Variants in NBPF12 observed in about 807,000 individuals in gnomAD.
NBPF12 encodes NBPF member 12, also known as NBPF family member NBPF12.
NBPF12 carries 115 observed loss-of-function variants against 146.4 expected under a neutral mutation model. The ratio of observed to expected loss-of-function variants is 0.79; its 90% CI spans 0.68 to 0.92. The LOEUF (loss-of-function observed/expected upper bound fraction) is 0.92. Among genes scored for constraint, NBPF12 ranks in the 40% least tolerant of loss-of-function variants. NBPF12 has a pLI of 0.00. For missense variants in NBPF12, 1,205 were observed against 1,326.8 expected, an observed-to-expected ratio of 0.91 and a Z score of 1.43; for synonymous variants, 385 against 508.9, an observed-to-expected ratio of 0.76 and a Z score of 3.28.
chr1:146,984,699 G>A (rs1657634818), intron 21 of NBPF12, 114 bp from the exon 25 acceptor site: 9 of 757,136 alleles, frequency 1.2e-5, no homozygotes, highest in South Asian at 5.6e-5. Flanking sequence ...CCTCATTAAT[G>A]GATCTGTCCT....
At position 146,994,707 on chromosome 1, in the gene NBPF12, A is replaced by C. The variant is rs1312168786; in HGVS notation, c.*132A>C. 4.1e-5 allele frequency: 59 copies of C among 1,451,028 alleles called. 1 individual carries two copies. In the South Asian group the frequency reaches 6.9e-4, roughly 17 times the overall value. 89.9% of individuals were successfully genotyped at this position (1,451,028 alleles called of 1,614,324 possible). A position where few individuals can be genotyped will look rare whatever the true frequency, so the allele number is the denominator to read the frequency against. ...GGTCAGTGGGCATGGCTCTATTCCT[A>C]TTCTCAGAGCATGCCAGTGGCAACC... On this transcript the variant is annotated 3_prime_UTR_variant, in exon 34 of 34. Coordinates refer to ENST00000617844, the Ensembl canonical transcript of NBPF12.
In NBPF12 at chr1:146,972,985, T is replaced by C. The variant is rs1553886833; in HGVS notation, c.1801+25T>C. On this transcript the variant is annotated intron_variant, in intron 14 of 33. Transcript: ENST00000617844. The stretch of plus-strand genomic sequence containing the variant: ...AGTAAGATCTATATGCTCACCATCA[T>C]GAAAGTGATGAACGAAGTCCTGTCT... The C allele has an allele frequency of 1.4e-3, 1,302 of 904,810 alleles. 37 individuals carry two copies. Among genetic ancestry groups the C allele is most frequent in the African/African-American group, 0.014 (858 of 60,378 alleles). The allele number at this position is 904,810 out of a possible 1,614,324, so 56.0% of individuals were successfully genotyped here.
At position 146,968,619 on chromosome 1, in the gene NBPF12, G is replaced by C. The variant is rs1402966235; in HGVS notation, c.1091+69G>C. On this transcript the variant is annotated intron_variant, in intron 10 of 33. Transcript: ENST00000617844. ...ATCTCTGAAGTACAACAGCTCGGTGGGGAGACTTAAGAGCTAAGCTGGGCC... is the reference window on the plus strand; with the variant it reads ...ATCTCTGAAGTACAACAGCTCGGTGCGGAGACTTAAGAGCTAAGCTGGGCC... 2.4e-4 allele frequency: 356 copies of C among 1,462,352 alleles called. 17 individuals are homozygous for C. The African/African-American group carries it at 4.1e-3, about 17-fold the overall frequency. The allele number at this position is 1,462,352 out of a possible 1,614,324, so 90.6% of individuals were successfully genotyped here.
chr1:146,986,054 G>C (rs1322643128), intron 23 of NBPF12, among the ~76,000 whole-genome samples: 1 of 151,928 alleles, frequency 6.6e-6, no homozygotes, highest in Admixed American at 6.5e-5. Context: ...ACTGTTCACT[G>C]TGTGTCCCGA....
exon 34 of NBPF12, chr1:146,994,471 G>A (rs782780996): frequency 1.3e-5 from 21 of 1,607,958 alleles, no homozygotes; most frequent in Middle Eastern, 2.1e-4. Context: ...CTCATTTGAG[G>A]AACAGCACAT....
upstream of NBPF12, among the ~76,000 whole-genome samples, chr1:146,946,360 T>C (rs1283692495): frequency 6.6e-6 from 1 of 151,388 alleles, no homozygotes; most frequent in Non-Finnish European, 1.5e-5. Flanking sequence ...ATTTGGTGTG[T>C]TCACCGTTTT....
chr1:146,972,175 A>T (rs1656685380), intron 13 of NBPF12, among the ~76,000 whole-genome samples: 1 of 150,862 alleles, frequency 6.6e-6, no homozygotes, highest in African/African-American at 2.5e-5. Flanking sequence ...TAGGTGGAAC[A>T]CCTGAGGTCA....
exon 18 of NBPF12, chr1:146,977,591 T>A: frequency 6.2e-7 from 1 of 1,612,288 alleles, no homozygotes; most frequent in Non-Finnish European, 8.5e-7. Flanking sequence ...AAAATCACAT[T>A]TGAGGAAGAC....
rs1289685184 is a variant in NBPF12, at chr1:146,973,561, G to A, written c.1801+601G>A. ...TCCCAGCCCTTTGGGAGGCTGAGGC[G>A]AGTAGAGCACGAGGTCAGGAGTTTG... is the stretch of plus-strand genomic sequence containing the variant. On this transcript the variant is annotated intron_variant, in intron 14 of 33. Coordinates refer to ENST00000617844, the Ensembl canonical transcript of NBPF12. Among the ~76,000 whole-genome samples, 8 of 149,348 alleles carry A rather than the reference G, an allele frequency of 5.4e-5. No individual in the cohort carries two copies. In the South Asian group the frequency reaches 1.1e-3, roughly 20 times the overall value.
upstream of NBPF12, among the ~76,000 whole-genome samples, chr1:146,949,139 A>ATGGGTCCTCC (rs1655212818): frequency 2.7e-5 from 4 of 148,726 alleles, no homozygotes; most frequent in East Asian, 7.9e-4. Flanking sequence ...CAGTGCCGGC[A>ATGGGTCCTCC]TGGGTCCTCC....
In NBPF12 at chr1:146,984,587, GT is replaced by G. The variant is rs1657616493; in HGVS notation, c.2667-225del. 6.9e-4 allele frequency among the ~76,000 whole-genome samples: 17 copies of G among 24,470 alleles called. No individual in the cohort carries two copies. In the East Asian group the frequency reaches 0.028, roughly 40 times the overall value. The allele number at this position is 24,470 out of a possible 152,430, so 16.1% of individuals were successfully genotyped here. A position where few individuals can be genotyped will look rare whatever the true frequency, so the allele number is the denominator to read the frequency against. ...TTGACTGAGCTCACACTGTGTGTGT[GT>G]GTGTGTGTGTGTGTGTGTGTGTGTG... On this transcript the variant is annotated intron_variant, in intron 21 of 33. Transcript: ENST00000617844.
intron 8 of NBPF12, among the ~76,000 whole-genome samples, chr1:146,965,827 G>A (rs1656165604): frequency 1.1e-5 from 1 of 87,478 alleles, no homozygotes; most frequent in Admixed American, 1.3e-4. Context: ...AAAAGTCTCT[G>A]ACCAGGGGCG....
chr1:146,962,106 C>A, intron 4 of NBPF12, 55 bp from the exon 8 acceptor site: 6 of 1,576,148 alleles, frequency 3.8e-6, no homozygotes, highest in Non-Finnish European at 5.2e-6. Flanking sequence ...TAGGCAGTGA[C>A]CACAGCAGCA....
chr1:146,994,195 C>T (rs1658374015), intron 33 of NBPF12, 137 bp from the exon 37 acceptor site: 56 of 1,554,918 alleles, frequency 3.6e-5, no homozygotes, highest in Non-Finnish European at 4.7e-5. Flanking sequence ...AACATAAAGG[C>T]AATAATTTGT....
At chr1:146,967,708 C>T (rs1381686080) in intron 9 of NBPF12, among the ~76,000 whole-genome samples, 1 of 149,994 alleles carries the variant, frequency 6.7e-6, no homozygotes, top group Non-Finnish European at 1.5e-5. Context: ...TCTTGTCTGT[C>T]CCTCAGTTTC....
At chr1:146,945,707 CCT>C (rs1655022033), upstream of NBPF12, among the ~76,000 whole-genome samples, 3 of 151,812 alleles carry the variant, frequency 2.0e-5, no homozygotes. Context: ...CCTAGGCTCC[CCT>C]GTCCTCCAGC....
intron 4 of NBPF12, among the ~76,000 whole-genome samples, chr1:146,961,006 C>T (rs1157557492): frequency 2.0e-5 from 3 of 152,014 alleles, no homozygotes; most frequent in African/African-American, 7.2e-5. Flanking sequence ...AGTAGATGGG[C>T]GTCGTGGCGG....
rs1374663940 is a variant in NBPF12 at position 146,972,664 on chromosome 1, C to T, written c.1592-87C>T. 10 of 1,101,052 alleles carry T rather than the reference C, an allele frequency of 9.1e-6. No homozygotes were observed. In the African/African-American group the frequency reaches 1.4e-4, roughly 15 times the overall value. The allele number at this position is 1,101,052 out of a possible 1,614,324, so 68.2% of individuals were successfully genotyped here. On this transcript the variant is annotated intron_variant, in intron 13 of 33. Transcript: ENST00000617844. ...AACATCTTCAAATAAGTAGACAAGGCTACCAGTGACATCCCTCAGTCCTGA... is the reference window on the plus strand; with the variant it reads ...AACATCTTCAAATAAGTAGACAAGGTTACCAGTGACATCCCTCAGTCCTGA...
Position 146,964,311 on chromosome 1 carries a change from A to G in NBPF12, c.494-46A>G. On this transcript the variant is annotated intron_variant, in intron 6 of 33. Transcript: ENST00000617844. ...TGCACGTTGGGCTGACTGTGCTTGC[A>G]GAATGTGAAGTGGGACATATCTGAA... is the stretch of plus-strand genomic sequence containing the variant. 9 of 1,598,388 alleles carry G rather than the reference A, an allele frequency of 5.6e-6. No homozygotes were observed. The South Asian group carries it at 9.9e-5, about 18-fold the overall frequency.
Sources: allele counts gnomAD v4.1 joint callset (sites outside exome capture counted in the v4.1 genomes callset), GRCh38; gene constraint gnomAD v4.1.1; transcripts MANE v1.5; gene names NCBI Gene and HGNC (gene_info 2026-07-23, HGNC 2026-07-21).